BUD13: variants seen among roughly 807,000 people sequenced by gnomAD.
BUD13 encodes BUD13 homolog.
Under a neutral mutation model 62.5 loss-of-function variants are expected in BUD13, and 47 were observed. That is an observed-to-expected ratio of 0.75 (90% CI 0.60 to 0.96). The LOEUF (loss-of-function observed/expected upper bound fraction) is 0.96. Among genes scored for constraint, BUD13 ranks in the 40% least tolerant of loss-of-function variants. The pLI, the probability that BUD13 is intolerant of heterozygous loss-of-function variation, is 0.00. For synonymous variants in BUD13, 293 were observed against 280.1 expected (o/e 1.05, Z -0.46); for missense variants, 821 against 790.9 (o/e 1.04, Z -0.46).
chr11:116,751,700 AAAGCACCAAGGAAACC>A (rs1278807529), intron 9 of BUD13, among the ~76,000 whole-genome samples: 10 of 152,206 alleles, frequency 6.6e-5, no homozygotes, highest in Non-Finnish European at 1.2e-4. Context: ...ATGGTATTCC[AAAGCACCAAGGAAACC>A]ACTGTTTTTT....
At chr11:116,768,646 C>T (rs1352123875) in intron 2 of BUD13, among the ~76,000 whole-genome samples, 2 of 151,976 alleles carry the variant, frequency 1.3e-5, no homozygotes, top group Admixed American at 1.3e-4. Flanking sequence ...AATTGGCTCC[C>T]TAAGATCACT....
intron 8 of BUD13, 81 bp downstream of exon 8, chr11:116,757,681 CTTCT>C: frequency 7.4e-7 from 1 of 1,347,466 alleles, no homozygotes; most frequent in South Asian, 1.4e-5. Flanking sequence ...TTGGGAAATC[CTTCT>C]TTGCATATAG....
chr11:116,751,366 C>T (rs142224994), intron 9 of BUD13, among the ~76,000 whole-genome samples: 1,573 of 152,276 alleles, frequency 0.01, 28 homozygotes, highest in African/African-American at 0.036. Context: ...TGGTGGCTCA[C>T]GCCTGTAATC....
At chr11:116,748,628 T>C (rs1940180396) in intron 9 of BUD13, 53 bp from the exon 10 acceptor site, 1 of 1,536,308 alleles carries the variant, frequency 6.5e-7, no homozygotes, top group African/African-American at 1.4e-5. Context: ...GGGGCATTTG[T>C]TTCAAAAGAA....
intron 2 of BUD13, 71 bp from the exon 3 acceptor site, chr11:116,765,517 T>A: frequency 6.5e-7 from 1 of 1,541,488 alleles, no homozygotes; most frequent in Non-Finnish European, 9.0e-7. Flanking sequence ...CTCAAGAACC[T>A]GAAGTTACAA....
At chr11:116,764,290 G>A (rs1940489947) in intron 3 of BUD13, among the ~76,000 whole-genome samples, 1 of 152,180 alleles carries the variant, frequency 6.6e-6, no homozygotes, top group African/African-American at 2.4e-5. Flanking sequence ...ATGAATACTT[G>A]TTAAATGGAT....
chr11:116,772,866 C>T lies in BUD13; in HGVS notation c.99G>A (p.Lys33=), dbSNP rs1198183888. ...GVDRGSESGR[K]RRKKRPKPGG... is the part of the protein sequence containing the mutation. Reference sequence around the variant, plus strand: ...CAGGCTTCGGCCGCTTTTTGCGACGCTTGCGACCGGACTCAGATCCCCGGT... The same window carrying T: ...CAGGCTTCGGCCGCTTTTTGCGACGTTTGCGACCGGACTCAGATCCCCGGT... The change falls in exon 1 of 10, where the codon AAG becomes AAA. Residue 33 remains lysine, a synonymous_variant. Coordinates refer to ENST00000260210, the MANE Select transcript of BUD13 (RefSeq NM_032725.4). The T allele has an allele frequency of 2.5e-6, 4 of 1,591,868 alleles. No homozygotes were observed. The highest frequency in any genetic ancestry group is 1.7e-5 in the Admixed American group (1 of 58,490).
At chr11:116,771,062 T>C (rs1195316516) in intron 1 of BUD13, among the ~76,000 whole-genome samples, 4 of 152,216 alleles carry the variant, frequency 2.6e-5, no homozygotes, top group Non-Finnish European at 4.4e-5. Context: ...CCCAAAGTGC[T>C]AGGAAACTCT....
chr11:116,760,902 G>C lies in BUD13; in HGVS notation c.1087C>G (p.Gln363Glu), dbSNP rs142510693. The part of the protein sequence containing the change: ...DSDLSSPRHK[Q>E]SPGHQDSDSD... ...TCAGAATCCTGGTGCCCTGGACTTTGTTTATGCCGTGGAGAAGAAAGGTCT... is the reference window on the plus strand; with the variant it reads ...TCAGAATCCTGGTGCCCTGGACTTTCTTTATGCCGTGGAGAAGAAAGGTCT... Residue 363 changes from glutamine (Q) to glutamate (E), a missense_variant, in exon 5 of 10, where the codon CAA becomes GAA. Coordinates refer to ENST00000260210, the MANE Select transcript of BUD13 (RefSeq NM_032725.4). 6.2e-7 allele frequency: 1 copy of C among 1,613,990 alleles called. No individual in the cohort carries two copies. Among genetic ancestry groups the C allele is most frequent in the African/African-American group, 1.3e-5 (1 of 74,908 alleles).
rs1191636721 is a variant in BUD13 at position 116,763,255 on chromosome 11, C to T, written c.334G>A (p.Asp112Asn). The change falls in exon 4 of 10, where the codon GAC (aspartate) becomes AAC (asparagine). Residue 112 changes from aspartate (D) to asparagine (N), a missense_variant. Asp to Asn is a conservative substitution (Grantham distance 23). Coordinates refer to ENST00000260210, the MANE Select transcript of BUD13 (RefSeq NM_032725.4). ...CGAAAATGTCTGTTTGAGGGTAGGT[C>T]TTCGTTGTGGCCTAAACACAAATAA... ...KWKLLGGHNE[D>N]LPSNRHFRHD... The T allele has an allele frequency of 6.5e-7, 1 of 1,535,776 alleles. No homozygotes were observed. Among genetic ancestry groups the T allele is most frequent in the Non-Finnish European group, 8.8e-7 (1 of 1,141,730 alleles).
At chr11:116,770,527 C>T (rs929781948) in intron 1 of BUD13, among the ~76,000 whole-genome samples, 2 of 150,938 alleles carry the variant, frequency 1.3e-5, no homozygotes, top group African/African-American at 4.9e-5. Flanking sequence ...CGGAGTCTCG[C>T]TCTGTTGCCC....
At position 116,762,952 on chromosome 11, in the gene BUD13, C is replaced by T; in HGVS notation, c.637G>A (p.Ala213Thr). Reference sequence around the variant, plus strand: ...TCATGACGGACTCTCCTAGGAGATGCACCTGAAGAATTATGCTGAGGCCTC... The same window carrying T: ...TCATGACGGACTCTCCTAGGAGATGTACCTGAAGAATTATGCTGAGGCCTC... ...PRRPQHNSSG[A>T]SPRRVRHDSP... Residue 213 changes from alanine (A) to threonine (T), a missense_variant, in exon 4 of 10, where the codon GCA (alanine) becomes ACA (threonine). Ala to Thr is a moderately conservative substitution (Grantham distance 58, BLOSUM62 0). This residue lies in a region of BUD13 where 800 missense variants were observed against 739.2 expected (regional missense o/e 1.08). Transcript: ENST00000260210. The T allele has an allele frequency of 5.0e-6, 8 of 1,613,350 alleles. No homozygotes were observed. Among genetic ancestry groups the T allele is most frequent in the Non-Finnish European group, 5.1e-6 (6 of 1,179,758 alleles).
At position 116,751,942 on chromosome 11, in the gene BUD13, C is replaced by A. The variant is rs117454100; in HGVS notation, c.1767-3367G>T. 6.3e-3 allele frequency among the ~76,000 whole-genome samples: 962 copies of A among 151,962 alleles called. 10 individuals carry two copies. The highest frequency in any genetic ancestry group is 8.3e-3 in the South Asian group (40 of 4,824). ...CTAGGCAAACTGCTTATTTATTGGG[C>A]CTCAGTTTCTCTTTTTTTTGAGACG... On this transcript the variant is annotated intron_variant, in intron 9 of 9. Coordinates refer to ENST00000260210, the MANE Select transcript of BUD13 (RefSeq NM_032725.4).
At chr11:116,764,724 G>C (rs1396307270) in intron 3 of BUD13, among the ~76,000 whole-genome samples, 5 of 152,194 alleles carry the variant, frequency 3.3e-5, no homozygotes, top group Admixed American at 3.3e-4. Context: ...CCTTGTGCTA[G>C]ATAGGGGAAT....
intron 9 of BUD13, among the ~76,000 whole-genome samples, chr11:116,752,523 T>C (rs538045273): frequency 6.6e-6 from 1 of 152,140 alleles, no homozygotes; most frequent in African/African-American, 2.4e-5. Flanking sequence ...CAGGGAGAAT[T>C]CTAAGTTTTG....
chr11:116,753,522 T>C (rs894218711), intron 9 of BUD13, among the ~76,000 whole-genome samples: 1 of 152,186 alleles, frequency 6.6e-6, no homozygotes, highest in Non-Finnish European at 1.5e-5. Flanking sequence ...AGGAATACAG[T>C]GTAACAGAAC....
chr11:116,761,549 C>T (rs1591299361), intron 4 of BUD13, among the ~76,000 whole-genome samples: 1 of 152,254 alleles, frequency 6.6e-6, no homozygotes, highest in East Asian at 1.9e-4. Context: ...TGACCACTGA[C>T]TGTAACTGGT....
chr11:116,756,766 C>T (rs969195321), intron 9 of BUD13, among the ~76,000 whole-genome samples: 1 of 152,112 alleles, frequency 6.6e-6, no homozygotes, highest in Admixed American at 6.5e-5. Flanking sequence ...CCTCCTAAAA[C>T]CATAAAGTGA....
At chr11:116,766,644 T>A (rs2134183127) in intron 2 of BUD13, among the ~76,000 whole-genome samples, 1 of 152,340 alleles carries the variant, frequency 6.6e-6, no homozygotes, top group Non-Finnish European at 1.5e-5. Flanking sequence ...AATGAGATAA[T>A]TCACGTAAGC....
Sources: allele counts gnomAD v4.1 joint callset (sites outside exome capture counted in the v4.1 genomes callset), GRCh38; gene constraint gnomAD v4.1.1; regional missense constraint gnomAD v4.1.1; transcripts MANE v1.5; gene names NCBI Gene and HGNC (gene_info 2026-07-23, HGNC 2026-07-21).